KNOP1: variants seen among roughly 807,000 people sequenced by gnomAD.
KNOP1 encodes lysine-rich nucleolar protein 1.
Under a neutral mutation model 30.6 loss-of-function variants are expected in KNOP1, and 20 were observed. The observed-to-expected ratio is 0.65, with a 90% CI of 0.46 to 0.95. KNOP1 has a LOEUF of 0.95. KNOP1 is among the 40% of genes least tolerant of loss of function. The pLI is 0.00. For missense variants in KNOP1, 540 were observed against 562.0 expected (o/e 0.96, Z 0.40); for synonymous variants, 204 against 210.0 (o/e 0.97, Z 0.25).
At chr16:19,718,116 A>C (rs1977295461) in intron 1 of KNOP1, 42 bp downstream of exon 1, 12 of 1,444,686 alleles carry the variant, frequency 8.3e-6, no homozygotes, top group Non-Finnish European at 1.0e-5. Flanking sequence ...TGCAATCTCC[A>C]CACCCCGCGC....
In KNOP1 at chr16:19,711,355, G is replaced by A. The variant is rs374894008; in HGVS notation, c.987+17C>T. On this transcript the variant is annotated intron_variant, in intron 3 of 4. Coordinates refer to ENST00000219837, the MANE Select transcript of KNOP1 (RefSeq NM_001012991.3). ...CAGGAGGCAGCGGGAGGGGCCTGAGGAGGGTCTGGGCTGTACCTGGTCTAT... is the reference window on the plus strand; with the variant it reads ...CAGGAGGCAGCGGGAGGGGCCTGAGAAGGGTCTGGGCTGTACCTGGTCTAT... The A allele has an allele frequency of 3.7e-6, 6 of 1,613,494 alleles. No individual in the cohort carries two copies. The highest frequency in any genetic ancestry group is 2.2e-5 in the East Asian group (1 of 44,878).
rs1399717801 is a variant in KNOP1, at chr16:19,704,246, C to T, written c.*2664G>A. The T allele has an allele frequency of 5.9e-5, 9 of 152,200 alleles. No homozygotes were observed. The East Asian group carries it at 1.7e-3, about 29-fold the overall frequency. The allele number at this position is 152,200 out of a possible 1,614,324, so 9.4% of individuals were successfully genotyped here. A position where few individuals can be genotyped will look rare whatever the true frequency, so the allele number is the denominator to read the frequency against. ...TACAAGCCCGTGACACCACACCCAC[C>T]CAGCTAATTTTTGTATTTTTAGTAG... On this transcript the variant is annotated 3_prime_UTR_variant, in exon 5 of 5. Transcript: ENST00000219837.
At position 19,714,541 on chromosome 16, in the gene KNOP1, C is replaced by T. The variant is rs370164619; in HGVS notation, c.495G>A (p.Ser165=). The T allele has an allele frequency of 9.0e-5, 145 of 1,614,162 alleles. 1 individual carries two copies. In the African/African-American group the frequency reaches 1.1e-3, roughly 13 times the overall value. ...KKGAQDPTAF[S]VQDPWFCEAR... The stretch of plus-strand genomic sequence containing the variant: ...CCTCACAGAACCAAGGGTCCTGGAC[C>T]GAGAAGGCTGTGGGGTCCTGGGCCC... The change falls in exon 2 of 5, where the codon TCG becomes TCA. Residue 165 remains serine, a synonymous_variant. Transcript: ENST00000219837.
Position 19,714,721 on chromosome 16 carries a change from G to A in KNOP1, c.315C>T (p.Gly105=). 2 of 1,614,192 alleles carry A rather than the reference G, an allele frequency of 1.2e-6. No homozygotes were observed. Among genetic ancestry groups the A allele is most frequent in the South Asian group, 1.1e-5 (1 of 91,078 alleles). ...KSPSLRKQVF[G]HLEFLSGEKK... Reference sequence around the variant, plus strand: ...TTTCCCCACTGAGGAACTCCAAGTGGCCAAACACCTGCTTCCTGAGGCTGG... The same window carrying A: ...TTTCCCCACTGAGGAACTCCAAGTGACCAAACACCTGCTTCCTGAGGCTGG... Residue 105 remains glycine (G), a synonymous_variant, in exon 2 of 5, where the codon GGC becomes GGT. Transcript: ENST00000219837.
Position 19,702,512 on chromosome 16 carries a change from A to G in KNOP1, c.*4398T>C, listed in dbSNP as rs924329481. The G allele has an allele frequency of 6.6e-6, 1 of 152,192 alleles. No individual in the cohort carries two copies. Among genetic ancestry groups the G allele is most frequent in the Non-Finnish European group, 1.5e-5 (1 of 68,048 alleles). 9.4% of individuals were successfully genotyped at this position (152,192 alleles called of 1,614,324 possible). ...TGAGGTCGGGCACCCATTATATCAA[A>G]GGTGCTTCTGAATCCTGTCATGTGG... On this transcript the variant is annotated 3_prime_UTR_variant, in exon 5 of 5. Transcript: ENST00000219837.
rs568591720 is a variant in KNOP1, at chr16:19,707,168, T to C, written c.1119A>G (p.Lys373=). The C allele has an allele frequency of 6.2e-7, 1 of 1,613,782 alleles. No homozygotes were observed. The highest frequency in any genetic ancestry group is 2.2e-5 in the East Asian group (1 of 44,870). ...DTAGFENEDQ[K]LKFLRLMGGF... is the part of the protein sequence containing the mutation. ...CACCCATAAGTCTGAGAAATTTCAG[T>C]TTTTGGTCCTCGTTCTCAAAACCAG... Residue 373 remains lysine, a synonymous_variant, in exon 5 of 5, where the codon AAA becomes AAG. Transcript: ENST00000219837.
At chr16:19,712,147 C>G (rs930770933) in intron 2 of KNOP1, 1 of 152,324 alleles carries the variant, frequency 6.6e-6, no homozygotes, top group Non-Finnish European at 1.5e-5. Flanking sequence ...TCACTGAGCT[C>G]CTGGGAGAAG....
rs1976202588 is a variant in KNOP1, at chr16:19,702,502, A to G, written c.*4408T>C. ...GACTTTCACATGAGGTCGGGCACCC[A>G]TTATATCAAAGGTGCTTCTGAATCC... On this transcript the variant is annotated 3_prime_UTR_variant, in exon 5 of 5. Coordinates refer to ENST00000219837, the MANE Select transcript of KNOP1 (RefSeq NM_001012991.3). 2 of 152,174 alleles carry G rather than the reference A, an allele frequency of 1.3e-5. No individual in the cohort carries two copies. The highest frequency in any genetic ancestry group is 4.1e-4 in the South Asian group (2 of 4,836). The allele number at this position is 152,174 out of a possible 1,614,324, so 9.4% of individuals were successfully genotyped here. A position where few individuals can be genotyped will look rare whatever the true frequency, so the allele number is the denominator to read the frequency against.
At chr16:19,712,051 T>C (rs1189714173) in intron 2 of KNOP1, 1 of 153,208 alleles carries the variant, frequency 6.5e-6, no homozygotes, top group Non-Finnish European at 1.5e-5. Context: ...CATCCAGGCC[T>C]GCAACACATG....
chr16:19,714,889 G>A lies in KNOP1; in HGVS notation c.147C>T (p.Pro49=), dbSNP rs1976935252. The change falls in exon 2 of 5, where the codon CCC becomes CCT. Residue 49 remains proline, a synonymous_variant. Transcript: ENST00000219837. ...CCTGCCCATGGGCCACACTCTTAGAGGGGGATGTAGCTCTTAAAGGAGAAA... is the reference window on the plus strand; with the variant it reads ...CCTGCCCATGGGCCACACTCTTAGAAGGGGATGTAGCTCTTAAAGGAGAAA... ...ADVSPLRATS[P]SKSVAHGQAP... is the part of the protein sequence containing the mutation. 1.9e-6 allele frequency: 3 copies of A among 1,613,894 alleles called. No homozygotes were observed. The highest frequency in any genetic ancestry group is 2.5e-6 in the Non-Finnish European group (3 of 1,179,972).
chr16:19,717,920 G>A, intron 1 of KNOP1: 16 of 1,143,616 alleles, frequency 1.4e-5, no homozygotes, highest in Non-Finnish European at 1.7e-5. Flanking sequence ...GCTCCCATGG[G>A]CCCAAGCCTC....
Position 19,714,264 on chromosome 16 carries a change from TG to T in KNOP1, c.771del (p.Ile258Ter). ...GCGGAGGCCTTAGGGTCATCACTTA[TG>T]GGGATGTATTCCGGAGCCTCAACTT... ...PVKVEAPEYIPISDDPKASAK... is the reference protein window; with the variant it reads ...PVKVEAPEYIXISDDPKASAK... On this transcript the variant is annotated frameshift_variant, in exon 2 of 5. Coordinates refer to ENST00000219837, the MANE Select transcript of KNOP1 (RefSeq NM_001012991.3). LOFTEE classifies it high-confidence loss of function. 1 of 1,614,188 alleles carries T rather than the reference TG, an allele frequency of 6.2e-7. No individual in the cohort carries two copies. The highest frequency in any genetic ancestry group is 1.1e-5 in the South Asian group (1 of 91,086).
At position 19,703,556 on chromosome 16, in the gene KNOP1, T is replaced by G. The variant is rs1286292291; in HGVS notation, c.*3354A>C. 2 of 151,402 alleles carry G rather than the reference T, an allele frequency of 1.3e-5. No individual in the cohort carries two copies. The highest frequency in any genetic ancestry group is 2.9e-5 in the Non-Finnish European group (2 of 68,056). 9.4% of individuals were successfully genotyped at this position (151,402 alleles called of 1,614,324 possible). On this transcript the variant is annotated 3_prime_UTR_variant, in exon 5 of 5. Transcript: ENST00000219837. ...CTTCTTTTGTGAGGACTGTGTCTAT[T>G]TGGCAAATTTTTTTTTTTTTTTGGA...
intron 1 of KNOP1, 131 bp from the exon 2 acceptor site, chr16:19,715,168 T>G (rs1020153329): frequency 4.9e-6 from 3 of 612,746 alleles, no homozygotes; most frequent in Non-Finnish European, 8.2e-6. Flanking sequence ...ATGGACATGA[T>G]TCCTTTAAAG....
chr16:19,706,738 T>G lies in KNOP1; in HGVS notation c.*172A>C, dbSNP rs552946364. ...TCATTTGCACAACTGAATAAACCAT[T>G]TATGCCTAGTGTTCCATTACTGGAA... is the stretch of plus-strand genomic sequence containing the variant. On this transcript the variant is annotated 3_prime_UTR_variant, in exon 5 of 5. Coordinates refer to ENST00000219837, the MANE Select transcript of KNOP1 (RefSeq NM_001012991.3). 4.3e-6 allele frequency: 3 copies of G among 703,580 alleles called. No individual in the cohort carries two copies. In the South Asian group the frequency reaches 5.4e-5, roughly 13 times the overall value. 43.6% of individuals were successfully genotyped at this position (703,580 alleles called of 1,614,324 possible). A position where few individuals can be genotyped will look rare whatever the true frequency, so the allele number is the denominator to read the frequency against.
rs1359649410 is a variant in KNOP1 at position 19,705,750 on chromosome 16, GGTT to G, written c.*1157_*1159del. 1 of 156,132 alleles carries G rather than the reference GGTT, an allele frequency of 6.4e-6. No homozygotes were observed. Among genetic ancestry groups the G allele is most frequent in the African/African-American group, 2.4e-5 (1 of 41,506 alleles). The allele number at this position is 156,132 out of a possible 1,614,324, so 9.7% of individuals were successfully genotyped here. A position where few individuals can be genotyped will look rare whatever the true frequency, so the allele number is the denominator to read the frequency against. On this transcript the variant is annotated 3_prime_UTR_variant, in exon 5 of 5. Coordinates refer to ENST00000219837, the MANE Select transcript of KNOP1 (RefSeq NM_001012991.3). ...CTACAAAAAATTTTAAACACTAGCT[GGTT>G]GTTGTGGTGCACACCCACAGTCCCA...
chr16:19,718,011 C>T, intron 1 of KNOP1, 147 bp downstream of exon 1: 5 of 1,347,978 alleles, frequency 3.7e-6, no homozygotes, highest in Non-Finnish European at 9.5e-7. Flanking sequence ...GCGGCGGCCT[C>T]AGGCCGGAGC....
chr16:19,711,446 G>T lies in KNOP1; in HGVS notation c.919-6C>A, dbSNP rs763246286. ...TCTAAGTCCGTGTCTGTTTCCTGCA[G>T]GAGAGGGCAGAGCTGGCTAAGGTTC... is the stretch of plus-strand genomic sequence containing the variant. On this transcript the variant is annotated splice_region_variant and splice_polypyrimidine_tract_variant and intron_variant, in intron 2 of 4. Coordinates refer to ENST00000219837, the MANE Select transcript of KNOP1 (RefSeq NM_001012991.3). 6.2e-7 allele frequency: 1 copy of T among 1,614,082 alleles called. No homozygotes were observed. Among genetic ancestry groups the T allele is most frequent in the African/African-American group, 1.3e-5 (1 of 75,044 alleles).
chr16:19,714,893 G>A lies in KNOP1; in HGVS notation c.143C>T (p.Ser48Phe), dbSNP rs781096824. 3 of 1,613,930 alleles carry A rather than the reference G, an allele frequency of 1.9e-6. No individual in the cohort carries two copies. The highest frequency in any genetic ancestry group is 4.5e-5 in the East Asian group (2 of 44,878). The change falls in exon 2 of 5, where the codon TCC (serine) becomes TTC (phenylalanine). Residue 48 changes from serine (S) to phenylalanine (F), a missense_variant. By Grantham distance (155) the Ser-to-Phe change is radical. Coordinates refer to ENST00000219837, the MANE Select transcript of KNOP1 (RefSeq NM_001012991.3). ...FADVSPLRAT[S>F]PSKSVAHGQA... The stretch of plus-strand genomic sequence containing the variant: ...CCCATGGGCCACACTCTTAGAGGGG[G>A]ATGTAGCTCTTAAAGGAGAAACATC...
Sources: gnomAD v4.1 joint callset for allele counts on GRCh38, gnomAD v4.1.1 for gene constraint, MANE v1.5 for transcripts, NCBI Gene and HGNC (gene_info 2026-07-23, HGNC 2026-07-21) for gene names.